The following MME variants were observed in gnomAD, a reference collection of about 807,000 sequenced individuals.
MME encodes membrane metalloendopeptidase.
A neutral mutation model predicts 113.2 loss-of-function variants in MME; 98 were observed. That is an observed-to-expected ratio of 0.87 (90% confidence interval 0.74 to 1.02). MME has a LOEUF of 1.02. Among genes scored for constraint, MME ranks in the 50% least tolerant of loss-of-function variants. The pLI is 0.00. For synonymous variants in MME, 292 were observed against 300.6 expected, an observed-to-expected ratio of 0.97 and a Z score of 0.30; for missense variants, 836 against 896.0, an observed-to-expected ratio of 0.93 and a Z score of 0.86.
At chr3:155,064,585 A>G (rs1714324609) in intron 1 of MME, among the ~76,000 whole-genome samples, 1 of 152,172 alleles carries the variant, frequency 6.6e-6, no homozygotes, top group Non-Finnish European at 1.5e-5. Flanking sequence ...AGGTAACTCA[A>G]TTATGTTGAT....
At chr3:155,092,774 A>G (rs1404975971) in intron 3 of MME, among the ~76,000 whole-genome samples, 1 of 152,228 alleles carries the variant, frequency 6.6e-6, no homozygotes, top group Non-Finnish European at 1.5e-5. Context: ...GTAAAATTCA[A>G]TTTATATGAA....
intron 1 of MME, among the ~76,000 whole-genome samples, chr3:155,062,078 G>C (rs1226359534): frequency 1.3e-5 from 2 of 151,884 alleles, no homozygotes; most frequent in African/African-American, 4.8e-5. Flanking sequence ...TCTATGTATT[G>C]TGCTTATCAC....
At chr3:155,165,176 G>A (rs574989855) in intron 17 of MME, among the ~76,000 whole-genome samples, 1 of 152,148 alleles carries the variant, frequency 6.6e-6, no homozygotes, top group South Asian at 2.1e-4. Context: ...CAGTTATTCA[G>A]TGGATGCTAG....
chr3:155,136,519 G>C lies in MME; in HGVS notation c.721-1583G>C, dbSNP rs79266076. ...AATCCATGGATAGCAATCACAGCTAGATAGTCACAGCATTACAGAGTATCC... is the reference window on the plus strand; with the variant it reads ...AATCCATGGATAGCAATCACAGCTACATAGTCACAGCATTACAGAGTATCC... On this transcript the variant is annotated intron_variant, in intron 8 of 22. Transcript: ENST00000360490. Among the ~76,000 whole-genome samples, 1,145 of 152,262 alleles carry C rather than the reference G, an allele frequency of 7.5e-3. 16 individuals are homozygous for C. The highest frequency in any genetic ancestry group is 0.026 in the African/African-American group (1,073 of 41,548).
At chr3:155,068,078 A>T (rs140768584) in intron 1 of MME, among the ~76,000 whole-genome samples, 172 of 152,364 alleles carry the variant, frequency 1.1e-3, no homozygotes, top group African/African-American at 3.6e-3. Flanking sequence ...TATCCATTCA[A>T]TGGAATACTA....
intron 3 of MME, among the ~76,000 whole-genome samples, chr3:155,106,080 C>T (rs1244038971): frequency 1.3e-5 from 2 of 151,998 alleles, no homozygotes; most frequent in Admixed American, 6.6e-5. Flanking sequence ...CTAATTACTC[C>T]CCAAACTAGA....
chr3:155,143,380 G>A (rs61758200), intron 12 of MME, 63 bp from the exon 13 acceptor site: 15 of 1,582,180 alleles, frequency 9.5e-6, no homozygotes, highest in Non-Finnish European at 1.1e-5. Context: ...TGAAATGTGT[G>A]CTCTTAACAT....
chr3:155,119,634 T>C (rs2108263875), intron 8 of MME, among the ~76,000 whole-genome samples: 1 of 148,672 alleles, frequency 6.7e-6, no homozygotes, highest in African/African-American at 2.5e-5. Context: ...GATCTCATTG[T>C]TCAATTCCCA....
chr3:155,115,969 T>C (rs1173254673), intron 4 of MME, among the ~76,000 whole-genome samples: 1 of 152,162 alleles, frequency 6.6e-6, no homozygotes, highest in Non-Finnish European at 1.5e-5. Flanking sequence ...GAAGTTATTT[T>C]GTAGAAGAAC....
intron 3 of MME, among the ~76,000 whole-genome samples, chr3:155,092,082 C>T (rs1576713465): frequency 6.6e-6 from 1 of 152,284 alleles, no homozygotes; most frequent in East Asian, 1.9e-4. Flanking sequence ...TTTCCCCTCC[C>T]TCTGCCTCTT....
chr3:155,068,298 G>A (rs1244214235), intron 1 of MME, among the ~76,000 whole-genome samples: 1 of 152,194 alleles, frequency 6.6e-6, no homozygotes, highest in East Asian at 1.9e-4. Context: ...GGGAAGAGCA[G>A]CAGGGAGACA....
intron 8 of MME, among the ~76,000 whole-genome samples, chr3:155,130,154 G>A (rs1345266000): frequency 2.6e-5 from 4 of 152,196 alleles, no homozygotes; most frequent in Admixed American, 2.0e-4. Flanking sequence ...TTTATGCTCT[G>A]TACTGATGTT....
At chr3:155,042,936 A>ATAGG (rs1553749811) in intron 1 of MME, among the ~76,000 whole-genome samples, 11 of 38,944 alleles carry the variant, frequency 2.8e-4, no homozygotes, top group Admixed American at 2.4e-3. Context: ...ATATATATAT[A>ATAGG]TATGTATATA....
chr3:155,083,334 C>G (rs1214954967), intron 1 of MME, among the ~76,000 whole-genome samples: 1 of 152,158 alleles, frequency 6.6e-6, no homozygotes, highest in Non-Finnish European at 1.5e-5. Flanking sequence ...AAGTTTTTAA[C>G]ACATCTCCAG....
intron 1 of MME, among the ~76,000 whole-genome samples, chr3:155,042,115 C>T (rs201180184): frequency 1.1e-4 from 16 of 152,272 alleles, no homozygotes; most frequent in Non-Finnish European, 1.6e-4. Flanking sequence ...TTAATGACCA[C>T]GTTTTCTTCC....
chr3:155,054,355 T>C (rs939694700), intron 1 of MME, among the ~76,000 whole-genome samples: 1 of 152,220 alleles, frequency 6.6e-6, no homozygotes, highest in African/African-American at 2.4e-5. Context: ...GGAACATTCT[T>C]CCTCTCATGT....
chr3:155,037,784 G>T (rs1713173524), intron 1 of MME, among the ~76,000 whole-genome samples: 1 of 152,202 alleles, frequency 6.6e-6, no homozygotes, highest in South Asian at 2.1e-4. Context: ...GGAAACATTG[G>T]ATTTGGCAAC....
intron 1 of MME, among the ~76,000 whole-genome samples, chr3:155,063,668 A>ATATATTATATTATATTATATTATAT (rs59175839): frequency 1.1e-4 from 12 of 111,374 alleles, no homozygotes; most frequent in African/African-American, 2.1e-4. Flanking sequence ...ATAACATATT[A>ATATATTATATTATATTATATTATAT]TATATTATAT....
At chr3:155,162,569 T>G (rs1353055356) in intron 17 of MME, among the ~76,000 whole-genome samples, 1 of 152,164 alleles carries the variant, frequency 6.6e-6, no homozygotes, top group African/African-American at 2.4e-5. Flanking sequence ...TTAACCTCTT[T>G]TCATATGCTT....
Sources: allele counts gnomAD v4.1 joint callset (sites outside exome capture counted in the v4.1 genomes callset), GRCh38; gene constraint gnomAD v4.1.1; transcripts MANE v1.5; gene names NCBI Gene and HGNC (gene_info 2026-07-23, HGNC 2026-07-21).